Variants in UBE2K observed in about 807,000 individuals in gnomAD.
UBE2K encodes ubiquitin-conjugating enzyme E2 K.
Under a neutral mutation model 30.0 loss-of-function variants are expected in UBE2K, and 6 were observed. The observed-to-expected ratio is 0.20, with a 90% CI of 0.11 to 0.39. The LOEUF is 0.39. UBE2K is among the 10% of genes least tolerant of loss of function. The probability of loss-of-function intolerance (pLI) is 1.00; values close to 1 mark genes in which losing one functional copy is unlikely to be tolerated. For synonymous variants in UBE2K, 86 were observed against 83.7 expected (o/e 1.03, Z -0.15); for missense variants, 61 against 241.6 (o/e 0.25, Z 4.96).
intron 1 of UBE2K, among the ~76,000 whole-genome samples, chr4:39,707,743 C>A (rs1271286869): frequency 1.3e-5 from 2 of 151,736 alleles, no homozygotes; most frequent in Non-Finnish European, 2.9e-5. Context: ...TGGTCTTGAA[C>A]TCCTGGCTTC....
chr4:39,710,116 G>A (rs996307702), intron 1 of UBE2K: 10 of 151,790 alleles, frequency 6.6e-5, no homozygotes, highest in Non-Finnish European at 1.5e-4. Context: ...AGTGGAAATG[G>A]AAAAGGAAAA....
intron 2 of UBE2K, among the ~76,000 whole-genome samples, chr4:39,744,840 G>T (rs1720898439): frequency 6.6e-6 from 1 of 150,770 alleles, no homozygotes. Context: ...CCGGGAGGTG[G>T]AGCTTGAAGT....
chr4:39,769,182 ACCT>A (rs773990861), intron 4 of UBE2K, among the ~76,000 whole-genome samples: 6 of 147,706 alleles, frequency 4.1e-5, no homozygotes, highest in Non-Finnish European at 8.9e-5. Flanking sequence ...CACCTGGAGG[ACCT>A]GTTAAAACAA....
At chr4:39,774,231 G>C (rs1479819990) in intron 4 of UBE2K, among the ~76,000 whole-genome samples, 1 of 152,110 alleles carries the variant, frequency 6.6e-6, no homozygotes, top group Non-Finnish European at 1.5e-5. Flanking sequence ...TTGAGCCCAG[G>C]AGGCGGAGGT....
At position 39,757,025 on chromosome 4, in the gene UBE2K, G is replaced by GTT. The variant is rs1462859142; in HGVS notation, c.299+1291_299+1292dup. ...GTTTTTTTTTTGTTTTTTGTTTTTT[G>GTT]TTTTTTGTTTTTTTTTTGAGACAGA... On this transcript the variant is annotated intron_variant, in intron 4 of 6. Coordinates refer to ENST00000261427, the MANE Select transcript of UBE2K (RefSeq NM_005339.5). 3.6e-3 allele frequency among the ~76,000 whole-genome samples: 255 copies of GTT among 70,924 alleles called. 14 individuals are homozygous for GTT. The highest frequency in any genetic ancestry group is 0.013 in the African/African-American group (241 of 18,958). The allele number at this position is 70,924 out of a possible 152,430, so 46.5% of individuals were successfully genotyped here.
At chr4:39,718,715 C>T (rs576836225) in intron 1 of UBE2K, among the ~76,000 whole-genome samples, 5 of 152,360 alleles carry the variant, frequency 3.3e-5, no homozygotes, top group East Asian at 1.9e-4. Flanking sequence ...CTGGGGGACC[C>T]GGCCGCATCC....
At chr4:39,758,304 A>G (rs1380985370) in intron 4 of UBE2K, among the ~76,000 whole-genome samples, 2 of 152,162 alleles carry the variant, frequency 1.3e-5, no homozygotes, top group Non-Finnish European at 2.9e-5. Context: ...TCTAGCCTGC[A>G]TGATTGCATT....
chr4:39,772,397 C>CAAAAAA (rs34937270), intron 4 of UBE2K, among the ~76,000 whole-genome samples: 3 of 127,220 alleles, frequency 2.4e-5, no homozygotes, highest in Admixed American at 7.9e-5. Flanking sequence ...CTGTCTCTAC[C>CAAAAAA]AAAAAAAAAA....
intron 3 of UBE2K, among the ~76,000 whole-genome samples, chr4:39,749,181 T>C (rs1326305519): frequency 1.3e-5 from 2 of 152,208 alleles, no homozygotes; most frequent in East Asian, 3.8e-4. Flanking sequence ...ATGCAATAAA[T>C]TATTGACCGG....
chr4:39,765,908 T>TATACATACATACATACATACATACATAC (rs146565301), intron 4 of UBE2K, among the ~76,000 whole-genome samples: 2 of 149,640 alleles, frequency 1.3e-5, no homozygotes, highest in Admixed American at 6.7e-5. Context: ...AGGATATATA[T>TATACATACATACATACATACATACATAC]ATACATACAT....
At chr4:39,708,477 C>T (rs1457431285) in intron 1 of UBE2K, among the ~76,000 whole-genome samples, 1 of 151,990 alleles carries the variant, frequency 6.6e-6, no homozygotes, top group Non-Finnish European at 1.5e-5. Context: ...AGACCCTTCC[C>T]AGTACCATGG....
At chr4:39,745,200 T>C (rs1464087082) in intron 2 of UBE2K, among the ~76,000 whole-genome samples, 1 of 152,174 alleles carries the variant, frequency 6.6e-6, no homozygotes, top group Non-Finnish European at 1.5e-5. Context: ...GTAATTGCAG[T>C]TTAATTGCAC....
intron 3 of UBE2K, among the ~76,000 whole-genome samples, chr4:39,750,562 T>G (rs1441046046): frequency 1.3e-5 from 2 of 152,252 alleles, no homozygotes; most frequent in Non-Finnish European, 2.9e-5. Flanking sequence ...GAGACATTAT[T>G]ATTATATTCT....
At chr4:39,773,952 A>T (rs1308329993) in intron 4 of UBE2K, among the ~76,000 whole-genome samples, 2 of 151,982 alleles carry the variant, frequency 1.3e-5, no homozygotes, top group Non-Finnish European at 2.9e-5. Context: ...AACAAGAAGG[A>T]TCTTGGCAAC....
At position 39,714,533 on chromosome 4, in the gene UBE2K, TATATATATATATA is replaced by T. The variant is rs1412987723; in HGVS notation, c.63+16144_63+16156del. 73 of 33,380 alleles carry T rather than the reference TATATATATATATA, an allele frequency of 2.2e-3. 8 individuals carry two copies. The highest frequency in any genetic ancestry group is 0.014 in the African/African-American group (56 of 4,098). The allele number at this position is 33,380 out of a possible 1,614,324, so 2.1% of individuals were successfully genotyped here. ...TAGAAGTTTCATATATATATATATA[TATATATATATATA>T]TATATTTTTTTTTTTTTTTAAGACT... On this transcript the variant is annotated intron_variant, in intron 1 of 6. Coordinates refer to ENST00000261427, the MANE Select transcript of UBE2K (RefSeq NM_005339.5).
chr4:39,751,886 C>T (rs927235868), intron 3 of UBE2K, among the ~76,000 whole-genome samples: 14 of 152,086 alleles, frequency 9.2e-5, no homozygotes, highest in Non-Finnish European at 1.3e-4. Context: ...AGAGTCACTT[C>T]GGCCCGGGAG....
At chr4:39,773,925 C>A (rs747522766) in intron 4 of UBE2K, among the ~76,000 whole-genome samples, 2 of 151,188 alleles carry the variant, frequency 1.3e-5, no homozygotes, top group South Asian at 2.1e-4. Flanking sequence ...CGCCTCAAAA[C>A]TAAACTAAAC....
At chr4:39,718,314 C>G (rs1170777874) in intron 1 of UBE2K, among the ~76,000 whole-genome samples, 1 of 152,212 alleles carries the variant, frequency 6.6e-6, no homozygotes, top group African/African-American at 2.4e-5. Flanking sequence ...AAACCCTGAG[C>G]TAGACACAGA....
chr4:39,750,248 T>G (rs545931160), intron 3 of UBE2K, among the ~76,000 whole-genome samples: 1 of 152,270 alleles, frequency 6.6e-6, no homozygotes, highest in African/African-American at 2.4e-5. Flanking sequence ...TCTTCAGGTC[T>G]TAAAACTGGA....
Sources: gnomAD v4.1 joint callset for allele counts (sites outside exome capture counted in the v4.1 genomes callset) on GRCh38, gnomAD v4.1.1 for gene constraint, MANE v1.5 for transcripts, NCBI Gene and HGNC (gene_info 2026-07-23, HGNC 2026-07-21) for gene names.